The following NDUFAF4 variants were observed in gnomAD, a reference collection of about 807,000 sequenced individuals.
NDUFAF4 encodes NADH:ubiquinone oxidoreductase complex assembly factor 4.
Under a neutral mutation model 15.6 loss-of-function variants are expected in NDUFAF4, and 10 were observed. The observed-to-expected ratio is 0.64, with a 90% CI of 0.40 to 1.09. The LOEUF is 1.09. NDUFAF4 is among the 50% of genes least tolerant of loss of function. The pLI, the probability that NDUFAF4 is intolerant of heterozygous loss-of-function variation, is 0.01. For synonymous variants in NDUFAF4, 77 were observed against 73.3 expected (o/e 1.05, Z -0.26); for missense variants, 203 against 207.3 (o/e 0.98, Z 0.13).
chr6:96,895,768 C>T (rs1399767179), intron 2 of NDUFAF4, among the ~76,000 whole-genome samples: 2 of 151,922 alleles, frequency 1.3e-5, no homozygotes, highest in Non-Finnish European at 1.5e-5. Context: ...CTATGTGCAG[C>T]GATTAACAAA....
chr6:96,893,914 T>C (rs1402944707), intron 2 of NDUFAF4, among the ~76,000 whole-genome samples: 1 of 152,052 alleles, frequency 6.6e-6, no homozygotes, highest in African/African-American at 2.4e-5. Flanking sequence ...TACAACACAA[T>C]AAAAGAATGA....
At chr6:96,897,019 C>A in intron 1 of NDUFAF4, 172 bp from the exon 2 acceptor site, 1 of 566,950 alleles carries the variant, frequency 1.8e-6, no homozygotes, top group Non-Finnish European at 3.2e-6. Flanking sequence ...CTCCGCCTCC[C>A]GGGTTCGAGA....
chr6:96,896,987 C>T (rs573466572), intron 1 of NDUFAF4, 140 bp from the exon 2 acceptor site: 36 of 660,516 alleles, frequency 5.5e-5, no homozygotes, highest in Middle Eastern at 4.1e-4. Context: ...AGTGCAGTCG[C>T]GCGATCTCGG....
At chr6:96,891,519 A>G in intron 2 of NDUFAF4, 128 bp from the exon 3 acceptor site, 1 of 987,152 alleles carries the variant, frequency 1.0e-6, no homozygotes, top group Non-Finnish European at 1.5e-6. Context: ...CCCCACCCAA[A>G]TCTCATGTCA....
chr6:96,897,809 T>A lies in NDUFAF4; in HGVS notation c.-8A>T, dbSNP rs983712762. The A allele has an allele frequency of 6.2e-7, 1 of 1,613,942 alleles. No individual in the cohort carries two copies. Among genetic ancestry groups the A allele is most frequent in the Non-Finnish European group, 8.5e-7 (1 of 1,179,952 alleles). On this transcript the variant is annotated 5_prime_UTR_variant, in exon 1 of 3. An upstream start codon of the reference 5' UTR is lost. Coordinates refer to ENST00000316149, the MANE Select transcript of NDUFAF4 (RefSeq NM_014165.4). ...AATCACTAGTGCTCCCATCTCCTCA[T>A]AACATTATGCGCTCAGGTTCAGGCC...
At position 96,891,344 on chromosome 6, in the gene NDUFAF4, C is replaced by CG. The variant is rs1450695725; in HGVS notation, c.287dup (p.Lys97GlufsTer6). ...TTATCATATCAAAATGATGGTCTTT[C>CG]GGCAATCTGAATTCCTTCGGCTCTT... On this transcript the variant is annotated frameshift_variant, in exon 3 of 3. Transcript: ENST00000316149. LOFTEE classifies it high-confidence loss of function. The CG allele has an allele frequency of 1.2e-6, 2 of 1,613,154 alleles. No individual in the cohort carries two copies. The highest frequency in any genetic ancestry group is 2.7e-5 in the African/African-American group (2 of 74,762).
intron 2 of NDUFAF4, among the ~76,000 whole-genome samples, chr6:96,893,530 A>C (rs1363117965): frequency 6.6e-6 from 1 of 152,162 alleles, no homozygotes; most frequent in Non-Finnish European, 1.5e-5. Flanking sequence ...TTATATTGCA[A>C]ACTAGGCCTG....
intron 2 of NDUFAF4, among the ~76,000 whole-genome samples, chr6:96,891,755 A>G (rs1775319457): frequency 1.3e-5 from 2 of 151,962 alleles, no homozygotes; most frequent in African/African-American, 4.8e-5. Context: ...AGGCCTCCCC[A>G]GAAGCAGAAG....
Position 96,893,374 on chromosome 6 carries a change from C to T in NDUFAF4, c.241-1983G>A, listed in dbSNP as rs997938619. On this transcript the variant is annotated intron_variant, in intron 2 of 2. Coordinates refer to ENST00000316149, the MANE Select transcript of NDUFAF4 (RefSeq NM_014165.4). ...ATTGTCTTCAGAATAAAACAAAACT[C>T]CTTAGCAAGAAAAATAAGGGCCTTT... Among the ~76,000 whole-genome samples, 4 of 152,172 alleles carry T rather than the reference C, an allele frequency of 2.6e-5. No homozygotes were observed. In the East Asian group the frequency reaches 7.7e-4, roughly 29 times the overall value.
In NDUFAF4 at chr6:96,890,873, C is replaced by T; in HGVS notation, c.*231G>A. 2.1e-6 allele frequency: 1 copy of T among 466,406 alleles called. No individual in the cohort carries two copies. Among genetic ancestry groups the T allele is most frequent in the Non-Finnish European group, 3.9e-6 (1 of 258,674 alleles). 28.9% of individuals were successfully genotyped at this position (466,406 alleles called of 1,614,324 possible). A position where few individuals can be genotyped will look rare whatever the true frequency, so the allele number is the denominator to read the frequency against. On this transcript the variant is annotated 3_prime_UTR_variant, in exon 3 of 3. Transcript: ENST00000316149. Reference sequence around the variant, plus strand: ...TCACCATAATAAAGGTACAGATGTGCTCAGTCATGCTGACATGCACTTATG... The same window carrying T: ...TCACCATAATAAAGGTACAGATGTGTTCAGTCATGCTGACATGCACTTATG...
chr6:96,891,126 T>G lies in NDUFAF4; in HGVS notation c.506A>C (p.Lys169Thr). Reference protein sequence around the residue: ...FEVEIFPPEDKKAIRSK With the variant: ...FEVEIFPPEDTKAIRSK ...TCTTCATTTTGATCGTATTGCTTTC[T>G]TGTCTTCAGGAGGGAAGATTTCGAC... The change falls in exon 3 of 3, where the codon AAG (lysine) becomes ACG (threonine). Residue 169 changes from lysine to threonine, a missense_variant. Transcript: ENST00000316149. The G allele has an allele frequency of 6.2e-7, 1 of 1,613,074 alleles. No individual in the cohort carries two copies. The highest frequency in any genetic ancestry group is 8.5e-7 in the Non-Finnish European group (1 of 1,179,546).
At chr6:96,892,817 C>T (rs923498993) in intron 2 of NDUFAF4, among the ~76,000 whole-genome samples, 4 of 152,034 alleles carry the variant, frequency 2.6e-5, no homozygotes, top group Admixed American at 6.6e-5. Context: ...AGGCCTTCTT[C>T]TCACTCTACA....
chr6:96,897,822 T>A lies in NDUFAF4; in HGVS notation c.-21A>T. 1 of 1,613,958 alleles carries A rather than the reference T, an allele frequency of 6.2e-7. No individual in the cohort carries two copies. Among genetic ancestry groups the A allele is most frequent in the Non-Finnish European group, 8.5e-7 (1 of 1,179,902 alleles). On this transcript the variant is annotated 5_prime_UTR_variant, in exon 1 of 3. Transcript: ENST00000316149. Reference sequence around the variant, plus strand: ...CCCATCTCCTCATAACATTATGCGCTCAGGTTCAGGCCGCACGTGGGAACA... The same window carrying A: ...CCCATCTCCTCATAACATTATGCGCACAGGTTCAGGCCGCACGTGGGAACA...
chr6:96,889,384 A>C lies in NDUFAF4; in HGVS notation c.*1720T>G, dbSNP rs2127973814. 1 of 152,340 alleles carries C rather than the reference A, an allele frequency of 6.6e-6. No individual in the cohort carries two copies. Among genetic ancestry groups the C allele is most frequent in the African/African-American group, 2.4e-5 (1 of 41,578 alleles). 9.4% of individuals were successfully genotyped at this position (152,340 alleles called of 1,614,324 possible). The stretch of plus-strand genomic sequence containing the variant: ...ACAGATGCCTAACCACACAATGTAG[A>C]TATGAATAAAGAAGATGGCTCAGAA... On this transcript the variant is annotated 3_prime_UTR_variant, in exon 3 of 3. Transcript: ENST00000316149.
At position 96,896,846 on chromosome 6, in the gene NDUFAF4, G is replaced by C; in HGVS notation, c.138C>G (p.Leu46=). The C allele has an allele frequency of 6.2e-7, 1 of 1,610,024 alleles. No individual in the cohort carries two copies. The highest frequency in any genetic ancestry group is 8.5e-7 in the Non-Finnish European group (1 of 1,176,482). ...TNSLLREQIS[L]YPEVKGEIAR... Reference sequence around the variant, plus strand: ...CAATCTCTCCTTTAACTTCTGGATAGACTAAGGAAAGGAAAAAAGTCACAA... The same window carrying C: ...CAATCTCTCCTTTAACTTCTGGATACACTAAGGAAAGGAAAAAAGTCACAA... Residue 46 remains leucine, a splice_region_variant and synonymous_variant, in exon 2 of 3, where the codon CTC becomes CTG. Transcript: ENST00000316149.
intron 1 of NDUFAF4, 27 bp downstream of exon 1, chr6:96,897,639 G>C: frequency 3.6e-5 from 58 of 1,612,518 alleles, no homozygotes; most frequent in Non-Finnish European, 4.7e-5. Flanking sequence ...GCGCCCCCGG[G>C]CCCCGAAACG....
At chr6:96,897,353 C>T (rs1432375169) in intron 1 of NDUFAF4, among the ~76,000 whole-genome samples, 1 of 152,236 alleles carries the variant, frequency 6.6e-6, no homozygotes, top group Non-Finnish European at 1.5e-5. Flanking sequence ...AGAGAAAGCT[C>T]TGTGACCCTC....
Position 96,891,394 on chromosome 6 carries a change from A to G in NDUFAF4, c.241-3T>C. 1 of 1,504,666 alleles carries G rather than the reference A, an allele frequency of 6.6e-7. No homozygotes were observed. The highest frequency in any genetic ancestry group is 8.8e-7 in the Non-Finnish European group (1 of 1,136,428). 93.2% of individuals were successfully genotyped at this position (1,504,666 alleles called of 1,614,324 possible). A position where few individuals can be genotyped will look rare whatever the true frequency, so the allele number is the denominator to read the frequency against. On this transcript the variant is annotated splice_polypyrimidine_tract_variant and splice_region_variant and intron_variant, in intron 2 of 2. Coordinates refer to ENST00000316149, the MANE Select transcript of NDUFAF4 (RefSeq NM_014165.4). ...TGACATGTTTCAGCAGCTTTTACCTAGTATCAAAAAAAAAAGGTTTTAGGA... is the reference window on the plus strand; with the variant it reads ...TGACATGTTTCAGCAGCTTTTACCTGGTATCAAAAAAAAAAGGTTTTAGGA...
At chr6:96,897,513 T>G (rs547809982) in intron 1 of NDUFAF4, among the ~76,000 whole-genome samples, 153 bp downstream of exon 1, 1 of 151,900 alleles carries the variant, frequency 6.6e-6, no homozygotes, top group East Asian at 2.0e-4. Context: ...GTCACCGGCC[T>G]GGCGGCTCCC....
Sources: gnomAD v4.1 joint callset for allele counts (sites outside exome capture counted in the v4.1 genomes callset) on GRCh38, gnomAD v4.1.1 for gene constraint, MANE v1.5 for transcripts, NCBI Gene and HGNC (gene_info 2026-07-23, HGNC 2026-07-21) for gene names.